Variants in FAAH observed in about 807,000 individuals in gnomAD.
FAAH encodes fatty-acid amide hydrolase 1.
A neutral mutation model predicts 69.7 loss-of-function variants in FAAH; 63 were observed. That is an observed-to-expected ratio of 0.90 (90% CI 0.74 to 1.12). The LOEUF is 1.12. Among genes scored for constraint, FAAH ranks in the 50% most tolerant of loss-of-function variants. The pLI is 0.00. For missense variants in FAAH, 680 were observed against 755.0 expected (o/e 0.90, Z 1.16); for synonymous variants, 305 against 324.2 (o/e 0.94, Z 0.64).
Position 46,413,702 on chromosome 1 carries a change from C to A in FAAH, c.*127C>A. On this transcript the variant is annotated 3_prime_UTR_variant, in exon 15 of 15. Coordinates refer to ENST00000243167, the MANE Select transcript of FAAH (RefSeq NM_001441.3). The stretch of plus-strand genomic sequence containing the variant: ...GCAGAGGCTTCCGTGTCCTCTCCCC[C>A]AACCCCCTGCAAGAAGCGCCGACTC... 7.2e-7 allele frequency: 1 copy of A among 1,387,294 alleles called. No homozygotes were observed. The highest frequency in any genetic ancestry group is 1.0e-6 in the Non-Finnish European group (1 of 1,000,704). 85.9% of individuals were successfully genotyped at this position (1,387,294 alleles called of 1,614,324 possible).
At chr1:46,395,667 G>T (rs570896718) in intron 1 of FAAH, among the ~76,000 whole-genome samples, 1 of 152,228 alleles carries the variant, frequency 6.6e-6, no homozygotes, top group Non-Finnish European at 1.5e-5. Context: ...AGGAGGGTGT[G>T]CCTGGGTGGG....
Position 46,411,515 on chromosome 1 carries a change from G to T in FAAH, c.1317-97G>T. On this transcript the variant is annotated intron_variant, in intron 11 of 14. Coordinates refer to ENST00000243167, the MANE Select transcript of FAAH (RefSeq NM_001441.3). This position sits in a 1 kb window ranked among gnomAD's most constrained non-coding sequence, Gnocchi z 4.8. ...CCCATGGGGTTGTGAAGGGTCCACGGAGGGGTGAGATCTAGAGGGTTGGCA... is the reference window on the plus strand; with the variant it reads ...CCCATGGGGTTGTGAAGGGTCCACGTAGGGGTGAGATCTAGAGGGTTGGCA... 1 of 1,324,366 alleles carries T rather than the reference G, an allele frequency of 7.6e-7. No homozygotes were observed. Among genetic ancestry groups the T allele is most frequent in the Non-Finnish European group, 1.1e-6 (1 of 930,742 alleles). 82.0% of individuals were successfully genotyped at this position (1,324,366 alleles called of 1,614,324 possible).
chr1:46,413,766 C>G lies in FAAH; in HGVS notation c.*191C>G, dbSNP rs201061235. 6.6e-6 allele frequency: 5 copies of G among 756,614 alleles called. No homozygotes were observed. Among genetic ancestry groups the G allele is most frequent in the Admixed American group, 2.2e-5 (1 of 45,626 alleles). The allele number at this position is 756,614 out of a possible 1,614,324, so 46.9% of individuals were successfully genotyped here. A position where few individuals can be genotyped will look rare whatever the true frequency, so the allele number is the denominator to read the frequency against. On this transcript the variant is annotated 3_prime_UTR_variant, in exon 15 of 15. Coordinates refer to ENST00000243167, the MANE Select transcript of FAAH (RefSeq NM_001441.3). Reference sequence around the variant, plus strand: ...CTCCATCCCTGCTCTGGTCCCCTCTCTTCGTCCTGATCCCTCCACCCCCAT... The same window carrying G: ...CTCCATCCCTGCTCTGGTCCCCTCTGTTCGTCCTGATCCCTCCACCCCCAT...
chr1:46,394,626 A>T, intron 1 of FAAH, 83 bp downstream of exon 1: 1 of 1,167,902 alleles, frequency 8.6e-7, no homozygotes, highest in Middle Eastern at 2.7e-4. Flanking sequence ...GCCGAGGGAC[A>T]GGGGATGGGG....
chr1:46,412,053 C>T (rs1664925945), intron 12 of FAAH, 90 bp from the exon 13 acceptor site: 1 of 1,171,876 alleles, frequency 8.5e-7, no homozygotes, highest in East Asian at 2.6e-5. Context: ...GTGCTGGGGC[C>T]AGAGCCACCC....
rs146154332 is a variant in FAAH at position 46,400,670 on chromosome 1, C to G, written c.196-1421C>G. 1.7e-3 allele frequency among the ~76,000 whole-genome samples: 256 copies of G among 148,330 alleles called. 1 individual carries two copies. The highest frequency in any genetic ancestry group is 6.2e-3 in the African/African-American group (247 of 39,844). On this transcript the variant is annotated intron_variant, in intron 1 of 14. Transcript: ENST00000243167. ...GCAGGTGATGAGCTTAGAGGAAGGA[C>G]AGGGAAGGTGGACAGGTGACAGGAA...
Position 46,405,642 on chromosome 1 carries a change from C to T in FAAH, c.633C>T (p.Ser211=). The change falls in exon 5 of 15, where the codon TCC becomes TCT. Residue 211 remains serine, a synonymous_variant. Transcript: ENST00000243167. This position sits in a 1 kb window ranked among gnomAD's most constrained non-coding sequence, Gnocchi z 4.1. ...FGQTVNPWKS[S]KSPGGSSGGE... Reference sequence around the variant, plus strand: ...AGACCGTGAACCCATGGAAGTCCTCCAAAAGCCCAGGGGGCTCCTCAGGGG... The same window carrying T: ...AGACCGTGAACCCATGGAAGTCCTCTAAAAGCCCAGGGGGCTCCTCAGGGG... The T allele has an allele frequency of 2.5e-6, 4 of 1,613,560 alleles. No homozygotes were observed. Among genetic ancestry groups the T allele is most frequent in the Non-Finnish European group, 3.4e-6 (4 of 1,180,048 alleles).
At position 46,405,506 on chromosome 1, in the gene FAAH, G is replaced by A; in HGVS notation, c.578+1G>A. 1 of 1,380,870 alleles carries A rather than the reference G, an allele frequency of 7.2e-7. No individual in the cohort carries two copies. The highest frequency in any genetic ancestry group is 9.9e-7 in the Non-Finnish European group (1 of 1,013,060). The allele number at this position is 1,380,870 out of a possible 1,614,324, so 85.5% of individuals were successfully genotyped here. A position where few individuals can be genotyped will look rare whatever the true frequency, so the allele number is the denominator to read the frequency against. On this transcript the variant is annotated splice_donor_variant, in intron 4 of 14. Transcript: ENST00000243167. LOFTEE classifies it high-confidence loss of function. This position sits in a 1 kb window ranked among gnomAD's most constrained non-coding sequence, Gnocchi z 4.1. ...CCAATGTTCCACAGTCCATGTTCAG[G>A]TTGGGTCTTGGGGTGGGGCGGGGCG...
At position 46,413,709 on chromosome 1, in the gene FAAH, C is replaced by T. The variant is rs1368135995; in HGVS notation, c.*134C>T. The T allele has an allele frequency of 1.5e-6, 2 of 1,324,432 alleles. No individual in the cohort carries two copies. The highest frequency in any genetic ancestry group is 1.5e-5 in the African/African-American group (1 of 68,878). 82.0% of individuals were successfully genotyped at this position (1,324,432 alleles called of 1,614,324 possible). A position where few individuals can be genotyped will look rare whatever the true frequency, so the allele number is the denominator to read the frequency against. On this transcript the variant is annotated 3_prime_UTR_variant, in exon 15 of 15. Transcript: ENST00000243167. ...CTTCCGTGTCCTCTCCCCCAACCCC[C>T]TGCAAGAAGCGCCGACTCCCTGAGT...
At chr1:46,413,029 C>A (rs1664944663) in intron 13 of FAAH, 46 bp from the exon 14 acceptor site, 2 of 1,612,642 alleles carry the variant, frequency 1.2e-6, no homozygotes, top group African/African-American at 2.7e-5. Context: ...GGAGTTGGCA[C>A]TGAAGATTCT....
chr1:46,400,318 G>C (rs1664675400), intron 1 of FAAH, among the ~76,000 whole-genome samples: 1 of 152,130 alleles, frequency 6.6e-6, no homozygotes, highest in African/African-American at 2.4e-5. Flanking sequence ...TTTAAGGGGA[G>C]AGGCAAGGCC....
In FAAH at chr1:46,402,205, G is replaced by C. The variant is rs201439616; in HGVS notation, c.309+1G>C. 6.3e-7 allele frequency: 1 copy of C among 1,587,140 alleles called. No individual in the cohort carries two copies. Among genetic ancestry groups the C allele is most frequent in the Non-Finnish European group, 8.5e-7 (1 of 1,170,350 alleles). The stretch of plus-strand genomic sequence containing the variant: ...CGTGCTCTTCACCTATGTGGGAAAG[G>C]TAAGGCCAGCCAAGGCCAGCCCCTC... On this transcript the variant is annotated splice_donor_variant, in intron 2 of 14. Coordinates refer to ENST00000243167, the MANE Select transcript of FAAH (RefSeq NM_001441.3). LOFTEE classifies it high-confidence loss of function.
Position 46,405,396 on chromosome 1 carries a change from A to G in FAAH, c.469A>G (p.Ser157Gly). Reference sequence around the variant, plus strand: ...GGGCCAGGACTCCACGCTGGGCTTGAGCCTGAATGAAGGGGTGCCGGCGGA... The same window carrying G: ...GGGCCAGGACTCCACGCTGGGCTTGGGCCTGAATGAAGGGGTGCCGGCGGA... ...YKGQDSTLGL[S>G]LNEGVPAECD... is the part of the protein sequence containing the mutation. Residue 157 changes from serine (S) to glycine (G), a missense_variant, in exon 4 of 15, where the codon AGC becomes GGC. By Grantham distance (56) the Ser-to-Gly change is moderately conservative. Coordinates refer to ENST00000243167, the MANE Select transcript of FAAH (RefSeq NM_001441.3). This position sits in a 1 kb window ranked among gnomAD's most constrained non-coding sequence, Gnocchi z 4.1. 1 of 1,612,242 alleles carries G rather than the reference A, an allele frequency of 6.2e-7. No homozygotes were observed. Among genetic ancestry groups the G allele is most frequent in the Non-Finnish European group, 8.5e-7 (1 of 1,180,012 alleles).
At position 46,412,793 on chromosome 1, in the gene FAAH, A is replaced by T. The variant is rs45620033; in HGVS notation, c.1466-282A>T. Reference sequence around the variant, plus strand: ...ACCACTGCACTCCAGCCTGGGTGACAGAGTGAGACTGTCTCAAAAAAAGGA... The same window carrying T: ...ACCACTGCACTCCAGCCTGGGTGACTGAGTGAGACTGTCTCAAAAAAAGGA... On this transcript the variant is annotated intron_variant, in intron 13 of 14. Transcript: ENST00000243167. Among the ~76,000 whole-genome samples, 333 of 152,290 alleles carry T rather than the reference A, an allele frequency of 2.2e-3. 1 individual carries two copies. Among genetic ancestry groups the T allele is most frequent in the Admixed American group, 0.011 (173 of 15,290 alleles).
At position 46,405,494 on chromosome 1, in the gene FAAH, G is replaced by C; in HGVS notation, c.567G>C (p.Gln189His). 6.7e-7 allele frequency: 1 copy of C among 1,496,484 alleles called. No homozygotes were observed. The highest frequency in any genetic ancestry group is 1.8e-5 in the Admixed American group (1 of 55,270). 92.7% of individuals were successfully genotyped at this position (1,496,484 alleles called of 1,614,324 possible). ...AVPFVHTNVP[Q>H]SMFSYDCSNP... ...CCTTCGTGCACACCAATGTTCCACA[G>C]TCCATGTTCAGGTTGGGTCTTGGGG... The change falls in exon 4 of 15, where the codon CAG becomes CAC. Residue 189 changes from glutamine to histidine, a missense_variant. Coordinates refer to ENST00000243167, the MANE Select transcript of FAAH (RefSeq NM_001441.3). The surrounding 1 kb of genome is among the most constrained non-coding windows in gnomAD (Gnocchi z 4.1).
At chr1:46,409,079 T>C in intron 8 of FAAH, 22 bp from the exon 9 acceptor site, 8 of 1,607,886 alleles carry the variant, frequency 5.0e-6, no homozygotes, top group Non-Finnish European at 5.1e-6. Flanking sequence ...TCAGGAGGCC[T>C]TACACCCCTC....
chr1:46,409,349 T>A, intron 9 of FAAH, 151 bp downstream of exon 9: 2 of 691,576 alleles, frequency 2.9e-6, no homozygotes, highest in Non-Finnish European at 5.3e-6. Context: ...TCCCTCCAGC[T>A]GGGCACATTG....
intron 1 of FAAH, among the ~76,000 whole-genome samples, chr1:46,399,706 A>C (rs886437296): frequency 6.6e-6 from 1 of 152,228 alleles, no homozygotes; most frequent in Non-Finnish European, 1.5e-5. Context: ...ACCTGTATTT[A>C]TATAATGAAA....
chr1:46,413,282 G>A lies in FAAH; in HGVS notation c.1611+62G>A, dbSNP rs1054643956. On this transcript the variant is annotated intron_variant, in intron 14 of 14. Transcript: ENST00000243167. ...CCACCCTGACTCTGGCCGCTGTGGA[G>A]GAAACAGTACCAGCACTGCGGGTTT... is the stretch of plus-strand genomic sequence containing the variant. 1.2e-5 allele frequency: 19 copies of A among 1,612,906 alleles called. No individual in the cohort carries two copies. In the Admixed American group the frequency reaches 3.0e-4, roughly 25 times the overall value.
Sources: gnomAD v4.1 joint callset for allele counts (sites outside exome capture counted in the v4.1 genomes callset) on GRCh38, gnomAD v4.1.1 for gene constraint, Gnocchi (gnomAD v3.1) non-coding constraint, MANE v1.5 for transcripts, NCBI Gene and HGNC (gene_info 2026-07-23, HGNC 2026-07-21) for gene names.